Variants in TMED8 observed in about 807,000 individuals in gnomAD.
The protein encoded by TMED8 is protein TMED8.
TMED8 carries 15 observed loss-of-function variants against 32.7 expected under a neutral mutation model. The observed-to-expected ratio is 0.46, with a 90% confidence interval of 0.31 to 0.71. The LOEUF (loss-of-function observed/expected upper bound fraction) is 0.71. Ranked by LOEUF, TMED8 falls within the 30% of genes least tolerant of loss-of-function variation. The pLI is 0.06. For synonymous variants in TMED8, 147 were observed against 161.4 expected (o/e 0.91, Z 0.68); for missense variants, 390 against 423.9 (o/e 0.92, Z 0.70).
intron 1 of TMED8, among the ~76,000 whole-genome samples, chr14:77,358,500 T>C (rs1323495789): frequency 6.6e-6 from 1 of 152,148 alleles, no homozygotes; most frequent in African/African-American, 2.4e-5. Flanking sequence ...GGTTTCACCA[T>C]GTTGGTCAGG....
chr14:77,354,950 G>A (rs1186001030), intron 1 of TMED8, among the ~76,000 whole-genome samples: 2 of 148,208 alleles, frequency 1.3e-5, no homozygotes, highest in Non-Finnish European at 3.0e-5. Context: ...GAAGAACTCT[G>A]TCTCAAAAAA....
At chr14:77,351,571 A>T in intron 2 of TMED8, 102 bp downstream of exon 2, 1 of 1,123,676 alleles carries the variant, frequency 8.9e-7, no homozygotes, top group African/African-American at 1.6e-5. Flanking sequence ...CACATTCTTT[A>T]CTTTAACTTG....
intron 2 of TMED8, among the ~76,000 whole-genome samples, chr14:77,349,106 CTT>C (rs33964835): frequency 4.0e-4 from 37 of 91,954 alleles, no homozygotes; most frequent in Non-Finnish European, 6.4e-4. Flanking sequence ...CTCTAAGGCC[CTT>C]TTTTTTTTTT....
At chr14:77,372,920 A>G (rs866739857) in intron 1 of TMED8, among the ~76,000 whole-genome samples, 2 of 18,330 alleles carry the variant, frequency 1.1e-4, no homozygotes, top group African/African-American at 8.0e-4. Context: ...ATATATATAT[A>G]TATATATATA....
intron 1 of TMED8, among the ~76,000 whole-genome samples, chr14:77,359,149 A>G (rs1893370109): frequency 1.3e-5 from 2 of 152,264 alleles, no homozygotes; most frequent in African/African-American, 4.8e-5. Flanking sequence ...AGCTCAAGCA[A>G]TATGCCCACC....
chr14:77,351,173 T>C (rs1436297859), intron 2 of TMED8, among the ~76,000 whole-genome samples: 2 of 151,952 alleles, frequency 1.3e-5, no homozygotes, highest in African/African-American at 4.8e-5. Context: ...ACTCAGCAAA[T>C]GTTAGAAACA....
chr14:77,372,636 G>A (rs1893697919), intron 1 of TMED8, among the ~76,000 whole-genome samples: 1 of 151,942 alleles, frequency 6.6e-6, no homozygotes, highest in African/African-American at 2.4e-5. Flanking sequence ...CACTCAGATT[G>A]TGCACCTTTG....
intron 1 of TMED8, among the ~76,000 whole-genome samples, chr14:77,368,196 A>T (rs1434846859): frequency 6.6e-6 from 1 of 152,174 alleles, no homozygotes; most frequent in Non-Finnish European, 1.5e-5. Context: ...TAGAAATTTG[A>T]ATGTTAAATT....
At position 77,335,089 on chromosome 14, in the gene TMED8, G is replaced by A. The variant is rs984216691; in HGVS notation, c.*6682C>T. On this transcript the variant is annotated 3_prime_UTR_variant, in exon 6 of 6. Transcript: ENST00000216468. ...AAACTCAGAAGAGATGACAAAGAAT[G>A]CACAAAAGCATCACAAAACTGTTAC... The A allele has an allele frequency of 6.6e-6, 1 of 152,136 alleles. No homozygotes were observed. The highest frequency in any genetic ancestry group is 2.4e-5 in the African/African-American group (1 of 41,434). 9.4% of individuals were successfully genotyped at this position (152,136 alleles called of 1,614,324 possible). A position where few individuals can be genotyped will look rare whatever the true frequency, so the allele number is the denominator to read the frequency against.
rs180990263 is a variant in TMED8 at position 77,354,763 on chromosome 14, G to A, written c.119-3012C>T. 3.3e-3 allele frequency among the ~76,000 whole-genome samples: 495 copies of A among 152,206 alleles called. 1 individual carries two copies. Among genetic ancestry groups the A allele is most frequent in the South Asian group, 8.5e-3 (41 of 4,826 alleles). ...GAGGTCAGGAGTTCAAGACCAGCCC[G>A]GCCAACACGGCAAAACCCTGTCCTA... On this transcript the variant is annotated intron_variant, in intron 1 of 5. Transcript: ENST00000216468.
chr14:77,367,245 A>T (rs1310493919), intron 1 of TMED8, among the ~76,000 whole-genome samples: 1 of 150,352 alleles, frequency 6.7e-6, no homozygotes, highest in African/African-American at 2.4e-5. Flanking sequence ...CTGTCTAAAA[A>T]AAAAAAAAAA....
At chr14:77,358,001 G>C (rs1453635120) in intron 1 of TMED8, among the ~76,000 whole-genome samples, 10 of 151,706 alleles carry the variant, frequency 6.6e-5, no homozygotes, top group African/African-American at 2.4e-4. Context: ...GCACACATCT[G>C]TAATCCTAGG....
rs1480360098 is a variant in TMED8 at position 77,339,720 on chromosome 14, T to C, written c.*2051A>G. ...GTCACTAAAATAATTTCTTTAAAGGTATATAAATGTTGGCCAGTGTAATCC... is the reference window on the plus strand; with the variant it reads ...GTCACTAAAATAATTTCTTTAAAGGCATATAAATGTTGGCCAGTGTAATCC... On this transcript the variant is annotated 3_prime_UTR_variant, in exon 6 of 6. Coordinates refer to ENST00000216468, the MANE Select transcript of TMED8 (RefSeq NM_213601.3). 5 of 152,168 alleles carry C rather than the reference T, an allele frequency of 3.3e-5. No homozygotes were observed. Among genetic ancestry groups the C allele is most frequent in the East Asian group, 1.9e-4 (1 of 5,200 alleles). The allele number at this position is 152,168 out of a possible 1,614,324, so 9.4% of individuals were successfully genotyped here. A position where few individuals can be genotyped will look rare whatever the true frequency, so the allele number is the denominator to read the frequency against.
chr14:77,356,612 A>C (rs73311381), intron 1 of TMED8, among the ~76,000 whole-genome samples: 20,023 of 152,214 alleles, frequency 0.13, 2,087 homozygotes, highest in African/African-American at 0.29. Context: ...CTAAAGAAGA[A>C]GACTTTCAAC....
At chr14:77,348,466 A>G (rs1212979271) in intron 2 of TMED8, among the ~76,000 whole-genome samples, 1 of 151,978 alleles carries the variant, frequency 6.6e-6, no homozygotes, top group Non-Finnish European at 1.5e-5. Context: ...CTCGTGATCC[A>G]CCCACCTTGG....
rs910161715 is a variant in TMED8 at position 77,348,258 on chromosome 14, C to G, written c.198-1780G>C. On this transcript the variant is annotated intron_variant, in intron 2 of 5. Coordinates refer to ENST00000216468, the MANE Select transcript of TMED8 (RefSeq NM_213601.3). ...TTTTTTTTTGAGACGGAGTCTCACT[C>G]TGTCGCCCAGGCTGGAGTGCAGTGG... 2.7e-5 allele frequency among the ~76,000 whole-genome samples: 4 copies of G among 149,258 alleles called. No homozygotes were observed. The East Asian group carries it at 7.8e-4, about 29-fold the overall frequency.
At chr14:77,372,282 TTCAG>T (rs1893692746) in intron 1 of TMED8, among the ~76,000 whole-genome samples, 1 of 152,246 alleles carries the variant, frequency 6.6e-6, no homozygotes, top group Non-Finnish European at 1.5e-5. Context: ...AGGGTCTGGT[TTCAG>T]ACATTCTGAT....
In TMED8 at chr14:77,376,985, G is replaced by T; in HGVS notation, c.69C>A (p.Gly23=). 6.9e-7 allele frequency: 1 copy of T among 1,447,632 alleles called. No individual in the cohort carries two copies. The highest frequency in any genetic ancestry group is 1.4e-5 in the South Asian group (1 of 72,948). The allele number at this position is 1,447,632 out of a possible 1,614,324, so 89.7% of individuals were successfully genotyped here. ...WSPTARPGSA[G]GVGDCQGVEG... is the part of the protein sequence containing the mutation. The stretch of plus-strand genomic sequence containing the variant: ...CCACTCCCTGGCAGTCCCCGACGCC[G>T]CCAGCCGACCCTGGGCGGGCTGTGG... Residue 23 remains glycine (G), a synonymous_variant, in exon 1 of 6, where the codon GGC becomes GGA. Coordinates refer to ENST00000216468, the MANE Select transcript of TMED8 (RefSeq NM_213601.3). This position sits in a 1 kb window ranked among gnomAD's most constrained non-coding sequence, Gnocchi z 4.0.
At chr14:77,345,506 C>G (rs1351817050) in intron 3 of TMED8, among the ~76,000 whole-genome samples, 1 of 151,960 alleles carries the variant, frequency 6.6e-6, no homozygotes, top group Non-Finnish European at 1.5e-5. Flanking sequence ...GCCCCCATCC[C>G]TCCATGGCAG....
Sources: gnomAD v4.1 joint callset for allele counts (sites outside exome capture counted in the v4.1 genomes callset) on GRCh38, gnomAD v4.1.1 for gene constraint, Gnocchi (gnomAD v3.1) non-coding constraint, MANE v1.5 for transcripts, NCBI Gene and HGNC (gene_info 2026-07-23, HGNC 2026-07-21) for gene names.